The following STX3 variants were observed in gnomAD, a reference collection of about 807,000 sequenced individuals.
The protein encoded by STX3 is syntaxin-3.
STX3 carries 19 observed loss-of-function variants against 40.2 expected under a neutral mutation model. The ratio of observed to expected loss-of-function variants is 0.47; its 90% confidence interval spans 0.33 to 0.69. The LOEUF is 0.69. STX3 is among the 30% of genes least tolerant of loss of function. STX3 has a pLI of 0.02. For missense variants in STX3, 364 were observed against 366.7 expected (o/e 0.99, Z 0.06); for synonymous variants, 122 against 132.2 (o/e 0.92, Z 0.53).
Position 59,800,844 on chromosome 11 carries a change from C to G in STX3, c.*31-11C>G. On this transcript the variant is annotated splice_polypyrimidine_tract_variant and intron_variant, in intron 10 of 10. Transcript: ENST00000337979. The stretch of plus-strand genomic sequence containing the variant: ...GTGTACTGATCAGCTCCTCCTTTCC[C>G]TGCCTCCTAGAAACTGATTTCACTC... The G allele has an allele frequency of 6.5e-7, 1 of 1,536,480 alleles. No individual in the cohort carries two copies. Among genetic ancestry groups the G allele is most frequent in the Non-Finnish European group, 8.7e-7 (1 of 1,146,916 alleles).
chr11:59,784,620 G>A (rs1354001919), intron 2 of STX3, among the ~76,000 whole-genome samples: 1 of 152,230 alleles, frequency 6.6e-6, no homozygotes, highest in Non-Finnish European at 1.5e-5. Flanking sequence ...TCAAGGAGGA[G>A]CAAGTCACGT....
intron 2 of STX3, among the ~76,000 whole-genome samples, chr11:59,778,345 C>T (rs1001334103): frequency 6.6e-6 from 1 of 152,154 alleles, no homozygotes; most frequent in Non-Finnish European, 1.5e-5. Context: ...CCCAGATCCT[C>T]CAATCTGACT....
At chr11:59,783,557 T>C (rs1284150160) in intron 2 of STX3, among the ~76,000 whole-genome samples, 1 of 152,254 alleles carries the variant, frequency 6.6e-6, no homozygotes, top group Non-Finnish European at 1.5e-5. Flanking sequence ...TAATTTTAGA[T>C]GTCAGTATAC....
intron 7 of STX3, 37 bp downstream of exon 7, chr11:59,793,209 C>A (rs776215036): frequency 1.2e-6 from 2 of 1,610,230 alleles, no homozygotes; most frequent in Admixed American, 3.4e-5. Flanking sequence ...ACATCCCTCT[C>A]GTGAGCAGGG....
chr11:59,780,764 T>A (rs1288696286), intron 2 of STX3, among the ~76,000 whole-genome samples: 1 of 152,212 alleles, frequency 6.6e-6, no homozygotes, highest in African/African-American at 2.4e-5. Flanking sequence ...AACTTCTGTT[T>A]GGCTTCTTGA....
chr11:59,761,436 T>C (rs1863028278), intron 1 of STX3, among the ~76,000 whole-genome samples: 1 of 152,202 alleles, frequency 6.6e-6, no homozygotes, highest in African/African-American at 2.4e-5. Flanking sequence ...CTGTTAGTTC[T>C]TGTGCTCTGG....
intron 1 of STX3, among the ~76,000 whole-genome samples, chr11:59,756,786 G>A (rs1159613167): frequency 6.6e-6 from 1 of 152,212 alleles, no homozygotes; most frequent in Admixed American, 6.5e-5. Context: ...TGCAACAGAA[G>A]ATGCTTAAGA....
At chr11:59,798,452 C>T (rs1458049138) in intron 10 of STX3, among the ~76,000 whole-genome samples, 1 of 152,192 alleles carries the variant, frequency 6.6e-6, no homozygotes, top group Non-Finnish European at 1.5e-5. Context: ...GGTGATTTGC[C>T]CGCCTAAGCT....
At chr11:59,778,907 T>C (rs1018209469) in intron 2 of STX3, among the ~76,000 whole-genome samples, 1 of 148,002 alleles carries the variant, frequency 6.8e-6, no homozygotes, top group Non-Finnish European at 1.5e-5. Flanking sequence ...TGATCTCGGC[T>C]CACTGCAGCC....
In STX3 at chr11:59,783,196, T is replaced by G. The variant is rs17154162; in HGVS notation, c.115-3841T>G. Reference sequence around the variant, plus strand: ...GACAGAGAAATAAGGATGATCTCTGTGAAAGGCAACTGATCCATTCTCCCA... The same window carrying G: ...GACAGAGAAATAAGGATGATCTCTGGGAAAGGCAACTGATCCATTCTCCCA... On this transcript the variant is annotated intron_variant, in intron 2 of 10. Transcript: ENST00000337979. 9.9e-3 allele frequency among the ~76,000 whole-genome samples: 1,508 copies of G among 152,298 alleles called. 39 individuals are homozygous for G. Among genetic ancestry groups the G allele is most frequent in the South Asian group, 0.06 (291 of 4,828 alleles).
chr11:59,766,682 C>T (rs1269981911), intron 1 of STX3, among the ~76,000 whole-genome samples: 2 of 152,250 alleles, frequency 1.3e-5, no homozygotes, highest in African/African-American at 2.4e-5. Flanking sequence ...GCCCAGGATG[C>T]TTTCTGCAGG....
At chr11:59,755,836 C>T (rs964187522) in intron 1 of STX3, among the ~76,000 whole-genome samples, 2 of 152,178 alleles carry the variant, frequency 1.3e-5, no homozygotes, top group African/African-American at 4.8e-5. Flanking sequence ...CATCGCTAGG[C>T]AATGATTTTC....
At chr11:59,790,719 C>T (rs1865088772) in intron 5 of STX3, 133 bp downstream of exon 5, 1 of 695,852 alleles carries the variant, frequency 1.4e-6, no homozygotes, top group Non-Finnish European at 2.4e-6. Flanking sequence ...AAGGAGAACT[C>T]TCCAGGTTGA....
chr11:59,788,103 G>A lies in STX3; in HGVS notation c.215-770G>A, dbSNP rs189941678. ...TACCCTTTACTTACTGTTTCTTCTCGTGGAATTCCTGCTTTTAGTCTCTTT... is the reference window on the plus strand; with the variant it reads ...TACCCTTTACTTACTGTTTCTTCTCATGGAATTCCTGCTTTTAGTCTCTTT... On this transcript the variant is annotated intron_variant, in intron 3 of 10. Coordinates refer to ENST00000337979, the MANE Select transcript of STX3 (RefSeq NM_004177.5). Among the ~76,000 whole-genome samples the A allele has an allele frequency of 1.5e-4, 23 of 152,054 alleles. No homozygotes were observed. In the South Asian group the frequency reaches 3.7e-3, roughly 25 times the overall value.
At chr11:59,778,128 A>G (rs1040287467) in intron 2 of STX3, among the ~76,000 whole-genome samples, 2 of 152,148 alleles carry the variant, frequency 1.3e-5, no homozygotes, top group African/African-American at 4.8e-5. Flanking sequence ...CAGAAGTTAC[A>G]TAGCACATCA....
At chr11:59,784,367 G>GT (rs1346756354) in intron 2 of STX3, among the ~76,000 whole-genome samples, 3 of 152,170 alleles carry the variant, frequency 2.0e-5, no homozygotes, top group Non-Finnish European at 4.4e-5. Flanking sequence ...GTAAAACAGT[G>GT]TAATTGCTTT....
chr11:59,766,505 A>G (rs949037501), intron 1 of STX3, among the ~76,000 whole-genome samples: 2 of 152,164 alleles, frequency 1.3e-5, no homozygotes. Context: ...ACGTCCCCCC[A>G]TTGGCTCCCC....
At chr11:59,760,717 G>GAT (rs1862986487) in intron 1 of STX3, among the ~76,000 whole-genome samples, 1 of 152,178 alleles carries the variant, frequency 6.6e-6, no homozygotes, top group Non-Finnish European at 1.5e-5. Flanking sequence ...AAGGAATTGA[G>GAT]ATATTATTCT....
chr11:59,779,794 C>A (rs1864235596), intron 2 of STX3, among the ~76,000 whole-genome samples: 1 of 152,078 alleles, frequency 6.6e-6, no homozygotes, highest in South Asian at 2.1e-4. Flanking sequence ...TGGAGCAATA[C>A]CTGGCTGGAG....
Sources: gnomAD v4.1 joint callset for allele counts (sites outside exome capture counted in the v4.1 genomes callset) on GRCh38, gnomAD v4.1.1 for gene constraint, MANE v1.5 for transcripts, NCBI Gene and HGNC (gene_info 2026-07-23, HGNC 2026-07-21) for gene names.